Variants in PAWR observed in about 807,000 individuals in gnomAD.
PAWR encodes pro-apoptotic WT1 regulator.
A neutral mutation model predicts 32.0 loss-of-function variants in PAWR; 23 were observed. That is an observed-to-expected ratio of 0.72 (90% CI 0.52 to 1.02). The LOEUF is 1.02. PAWR is among the 50% of genes least tolerant of loss of function. The pLI, the probability that PAWR is intolerant of heterozygous loss-of-function variation, is 0.00. For synonymous variants in PAWR, 226 were observed against 187.1 expected, an observed-to-expected ratio of 1.21 and a Z score of -1.70; for missense variants, 457 against 437.7, an observed-to-expected ratio of 1.04 and a Z score of -0.39.
At chr12:79,594,953 G>A (rs1873693740) in intron 5 of PAWR, among the ~76,000 whole-genome samples, 1 of 152,144 alleles carries the variant, frequency 6.6e-6, no homozygotes, top group African/African-American at 2.4e-5. Flanking sequence ...CTGACCTCAA[G>A]TGATCTGCCC....
chr12:79,595,033 T>C (rs1873698163), intron 5 of PAWR, among the ~76,000 whole-genome samples: 1 of 152,196 alleles, frequency 6.6e-6, no homozygotes, highest in African/African-American at 2.4e-5. Flanking sequence ...TTAACTTATT[T>C]AGCTTATCAC....
intron 2 of PAWR, among the ~76,000 whole-genome samples, chr12:79,664,733 T>C (rs963801521): frequency 2.1e-4 from 32 of 151,038 alleles, no homozygotes; most frequent in African/African-American, 7.9e-4. Flanking sequence ...ACTCAAGTGA[T>C]CCTCCTGCCT....
At chr12:79,600,478 G>T (rs112215968) in intron 4 of PAWR, among the ~76,000 whole-genome samples, 1,657 of 150,338 alleles carry the variant, frequency 0.011, 40 homozygotes, top group African/African-American at 0.038. Context: ...TTGCTTTTTT[G>T]GGGGGGCGGG....
At chr12:79,598,220 T>C (rs1873834253) in intron 4 of PAWR, among the ~76,000 whole-genome samples, 1 of 152,134 alleles carries the variant, frequency 6.6e-6, no homozygotes, top group South Asian at 2.1e-4. Context: ...CATCAGGAGG[T>C]AGGGTTCACT....
At chr12:79,604,762 C>G in intron 4 of PAWR, 1 of 1,115,442 alleles carries the variant, frequency 9.0e-7, no homozygotes, top group South Asian at 1.4e-5. Flanking sequence ...ACACCAACAA[C>G]TAAAAATCAA....
chr12:79,672,316 A>C (rs764173853), intron 2 of PAWR, among the ~76,000 whole-genome samples: 1 of 152,144 alleles, frequency 6.6e-6, no homozygotes, highest in African/African-American at 2.4e-5. Context: ...CCTGGTCTTT[A>C]TCTCTTCTCA....
At chr12:79,653,484 G>A (rs926903444) in intron 2 of PAWR, among the ~76,000 whole-genome samples, 3 of 151,766 alleles carry the variant, frequency 2.0e-5, no homozygotes, top group Non-Finnish European at 4.4e-5. Flanking sequence ...GCAGTGTTTT[G>A]TTTGTTTGTT....
intron 2 of PAWR, among the ~76,000 whole-genome samples, chr12:79,669,546 A>G (rs1385049569): frequency 6.6e-6 from 1 of 152,156 alleles, no homozygotes; most frequent in Non-Finnish European, 1.5e-5. Flanking sequence ...TTCATTTTCA[A>G]GTCCTCCAAC....
At chr12:79,656,893 G>A (rs1049663773) in intron 2 of PAWR, among the ~76,000 whole-genome samples, 1 of 152,160 alleles carries the variant, frequency 6.6e-6, no homozygotes, top group Non-Finnish European at 1.5e-5. Flanking sequence ...CCTGGGCAGA[G>A]ACCAGCACTC....
chr12:79,595,281 TC>T lies in PAWR; in HGVS notation c.832-849del, dbSNP rs138601410. ...TTTTTTTTCTTTAAACAATGCAACA[TC>T]TTTTTCAAAGACATCTTATTTAGAA... On this transcript the variant is annotated intron_variant, in intron 5 of 6. Transcript: ENST00000328827. Among the ~76,000 whole-genome samples, 1,048 of 152,232 alleles carry T rather than the reference TC, an allele frequency of 6.9e-3. 12 individuals carry two copies. The highest frequency in any genetic ancestry group is 0.024 in the African/African-American group (996 of 41,546).
Position 79,592,455 on chromosome 12 carries a change from AG to A in PAWR, c.*151del. 1 of 519,190 alleles carries A rather than the reference AG, an allele frequency of 1.9e-6. No individual in the cohort carries two copies. The allele number at this position is 519,190 out of a possible 1,614,324, so 32.2% of individuals were successfully genotyped here. ...TTTTTAAAACCAATAATGAAAAAGA[AG>A]TATTTTGAAAACAAACATCTGTTTG... On this transcript the variant is annotated 3_prime_UTR_variant, in exon 7 of 7. Transcript: ENST00000328827.
chr12:79,689,352 G>C (rs777461081), intron 2 of PAWR, among the ~76,000 whole-genome samples: 1 of 151,916 alleles, frequency 6.6e-6, no homozygotes, highest in Non-Finnish European at 1.5e-5. Context: ...AGACCCTAGA[G>C]AATGTCGTCA....
rs71091677 is a variant in PAWR, at chr12:79,632,312, C to CATATATATATATAT, written c.517-11119_517-11106dup. 3 of 11,602 alleles carry CATATATATATATAT rather than the reference C, an allele frequency of 2.6e-4. 1 individual carries two copies. The highest frequency in any genetic ancestry group is 8.6e-3 in the East Asian group (2 of 232). The allele number at this position is 11,602 out of a possible 1,614,324, so 0.7% of individuals were successfully genotyped here. A position where few individuals can be genotyped will look rare whatever the true frequency, so the allele number is the denominator to read the frequency against. On this transcript the variant is annotated intron_variant, in intron 2 of 6. Transcript: ENST00000328827. ...AAATATATACATATATATATACATA[C>CATATATATATATAT]ATATATATATATATATATATATATA...
At chr12:79,599,562 T>TA in intron 4 of PAWR, among the ~76,000 whole-genome samples, 1 of 152,232 alleles carries the variant, frequency 6.6e-6, no homozygotes, top group East Asian at 1.9e-4. Context: ...TTGCAAGTGT[T>TA]ATATAGTTCA....
intron 2 of PAWR, among the ~76,000 whole-genome samples, chr12:79,632,361 A>ATTTTTTTTTTT (rs755937992): frequency 1.9e-4 from 4 of 20,604 alleles, no homozygotes; most frequent in East Asian, 1.7e-3. Context: ...ATATATATAT[A>ATTTTTTTTTTT]TTTTTTTTTT....
At chr12:79,643,204 G>A (rs769183855) in intron 2 of PAWR, among the ~76,000 whole-genome samples, 1 of 152,062 alleles carries the variant, frequency 6.6e-6, no homozygotes, top group Non-Finnish European at 1.5e-5. Flanking sequence ...TCAGAGGGAG[G>A]AAAGAAAAGA....
intron 2 of PAWR, among the ~76,000 whole-genome samples, chr12:79,645,529 G>A (rs1876534003): frequency 6.6e-6 from 1 of 152,104 alleles, no homozygotes; most frequent in African/African-American, 2.4e-5. Flanking sequence ...AATATCTGAG[G>A]GCTAATTAAC....
chr12:79,594,517 G>A, intron 5 of PAWR, 84 bp from the exon 6 acceptor site: 1 of 663,950 alleles, frequency 1.5e-6, no homozygotes, highest in South Asian at 1.8e-5. Flanking sequence ...TCCCCAATTT[G>A]GTAAAATATC....
intron 4 of PAWR, among the ~76,000 whole-genome samples, chr12:79,608,942 G>C (rs1167438063): frequency 6.6e-6 from 1 of 152,152 alleles, no homozygotes; most frequent in Non-Finnish European, 1.5e-5. Flanking sequence ...CTACTTGGGA[G>C]GCTGTGGCAG....
Sources: allele counts gnomAD v4.1 joint callset (sites outside exome capture counted in the v4.1 genomes callset), GRCh38; gene constraint gnomAD v4.1.1; transcripts MANE v1.5; gene names NCBI Gene and HGNC (gene_info 2026-07-23, HGNC 2026-07-21).